Variants in PICALM observed in about 807,000 individuals in gnomAD.
The protein encoded by PICALM is phosphatidylinositol binding clathrin assembly protein.
PICALM carries 40 observed loss-of-function variants against 80.5 expected under a neutral mutation model. That is an observed-to-expected ratio of 0.50 (90% CI 0.39 to 0.65). The LOEUF (loss-of-function observed/expected upper bound fraction) is 0.65, where lower values mean the gene tolerates loss of function less well. Among genes scored for constraint, PICALM ranks in the 30% least tolerant of loss-of-function variants. PICALM has a pLI of 0.00. For synonymous variants in PICALM, 288 were observed against 260.3 expected (o/e 1.11, Z -1.02); for missense variants, 676 against 778.9 (o/e 0.87, Z 1.57).
intron 1 of PICALM, among the ~76,000 whole-genome samples, chr11:86,053,508 A>G (rs1245050427): frequency 1.3e-5 from 2 of 152,202 alleles, no homozygotes; most frequent in East Asian, 1.9e-4. Flanking sequence ...TAATTTGTCT[A>G]AAGTTTTATT....
chr11:85,975,847 T>C (rs898868724), intron 18 of PICALM, among the ~76,000 whole-genome samples: 7 of 152,178 alleles, frequency 4.6e-5, no homozygotes, highest in African/African-American at 1.2e-4. Flanking sequence ...TCCACCCACC[T>C]TGGCCTCCCA....
At chr11:85,976,753 T>C (rs2094295801) in intron 17 of PICALM, 71 bp from the exon 18 acceptor site, 1 of 858,604 alleles carries the variant, frequency 1.2e-6, no homozygotes, top group Non-Finnish European at 2.0e-6. Context: ...AAGGAATTAG[T>C]AGCTGTAGTT....
At chr11:85,973,924 CCACAGA>C (rs2094190807) in intron 19 of PICALM, among the ~76,000 whole-genome samples, 1 of 152,014 alleles carries the variant, frequency 6.6e-6, no homozygotes, top group Non-Finnish European at 1.5e-5. Context: ...ACGAGCAGAG[CCACAGA>C]CACAGAAGGA....
At chr11:86,016,693 A>G (rs1428156144) in intron 4 of PICALM, among the ~76,000 whole-genome samples, 2 of 152,198 alleles carry the variant, frequency 1.3e-5, no homozygotes, top group African/African-American at 4.8e-5. Flanking sequence ...GCAAAACTAT[A>G]AACTCATGAT....
At chr11:85,984,093 A>G (rs891271154) in intron 13 of PICALM, 120 bp from the exon 14 acceptor site, 2 of 581,698 alleles carry the variant, frequency 3.4e-6, no homozygotes, top group Non-Finnish European at 6.2e-6. Context: ...AACAAAGCCA[A>G]TCCTTCAAGC....
chr11:85,968,386 T>C (rs758670125), intron 19 of PICALM, among the ~76,000 whole-genome samples: 5 of 152,214 alleles, frequency 3.3e-5, no homozygotes, highest in African/African-American at 1.2e-4. Context: ...ATTTTTCATA[T>C]TGCTTCTGGG....
At chr11:85,969,005 A>C (rs1043676695) in intron 19 of PICALM, among the ~76,000 whole-genome samples, 3 of 148,426 alleles carry the variant, frequency 2.0e-5, no homozygotes, top group Admixed American at 1.3e-4. Flanking sequence ...CACGGAGAAA[A>C]GGGTATGTGT....
At chr11:85,969,815 G>A (rs758335798) in intron 19 of PICALM, among the ~76,000 whole-genome samples, 2 of 152,040 alleles carry the variant, frequency 1.3e-5, no homozygotes, top group African/African-American at 2.4e-5. Context: ...CACTGTGTTC[G>A]GCCAACAGTT....
Position 85,996,829 on chromosome 11 carries a change from C to A in PICALM, c.1255G>T (p.Gly419Ter). 6.4e-7 allele frequency: 1 copy of A among 1,563,192 alleles called. No individual in the cohort carries two copies. The highest frequency in any genetic ancestry group is 8.8e-7 in the Non-Finnish European group (1 of 1,134,532). ...AATAGAATTCATCAATGCTTACCTC[C>A]CCATGTACTTGCTACCTGAGAAGCA... ...STASQVASTW[G>*]DPFSATVDAV... is the part of the protein sequence containing the mutation. Residue 419 changes from glycine to a stop codon, truncating the protein, a stop_gained, in exon 12 of 20, where the codon GGA becomes TGA. Coordinates refer to ENST00000393346, the MANE Select transcript of PICALM (RefSeq NM_007166.4). LOFTEE classifies it high-confidence loss of function.
intron 19 of PICALM, among the ~76,000 whole-genome samples, chr11:85,973,067 T>C (rs2094160468): frequency 6.6e-6 from 1 of 152,224 alleles, no homozygotes; most frequent in Admixed American, 6.5e-5. Context: ...CACTCCAAGT[T>C]ATTTTCAATT....
chr11:86,040,718 T>A (rs114158942), intron 1 of PICALM, among the ~76,000 whole-genome samples: 1 of 152,168 alleles, frequency 6.6e-6, no homozygotes, highest in African/African-American at 2.4e-5. Flanking sequence ...GGTGTATATA[T>A]GTTTAAGTGT....
intron 19 of PICALM, among the ~76,000 whole-genome samples, chr11:85,963,641 A>G (rs2135338658): frequency 1.3e-5 from 2 of 152,302 alleles, no homozygotes; most frequent in East Asian, 3.9e-4. Flanking sequence ...GTATCTCTTA[A>G]ATTCCTTCTC....
chr11:86,003,404 C>T lies in PICALM; in HGVS notation c.855G>A (p.Leu285=), dbSNP rs968907717. The change falls in exon 9 of 20, where the codon TTG becomes TTA. Residue 285 remains leucine (L), a synonymous_variant. Transcript: ENST00000393346. ...LDALEQHLAS[L]EGKKIKDSTA... is the part of the protein sequence containing the mutation. ...TAGAATCTTTGATTTTCTTTCCTTCCAAGGAAGCTAAATGTTGTTCCAAAG... is the reference window on the plus strand; with the variant it reads ...TAGAATCTTTGATTTTCTTTCCTTCTAAGGAAGCTAAATGTTGTTCCAAAG... 2 of 1,595,374 alleles carry T rather than the reference C, an allele frequency of 1.3e-6. No individual in the cohort carries two copies. The highest frequency in any genetic ancestry group is 1.1e-5 in the South Asian group (1 of 89,140).
chr11:85,975,664 T>G (rs1015949070), intron 18 of PICALM, among the ~76,000 whole-genome samples: 1 of 142,810 alleles, frequency 7.0e-6, no homozygotes, highest in African/African-American at 2.6e-5. Context: ...TGGCATGATC[T>G]CAACTCACTG....
rs2094432757 is a variant in PICALM, at chr11:85,981,189, A to G, written c.1719T>C (p.Thr573=). 1.9e-6 allele frequency: 3 copies of G among 1,607,916 alleles called. No individual in the cohort carries two copies. Among genetic ancestry groups the G allele is most frequent in the Non-Finnish European group, 2.6e-6 (3 of 1,174,452 alleles). Residue 573 remains threonine (T), a synonymous_variant, in exon 17 of 20, where the codon ACT becomes ACC. Transcript: ENST00000393346. ...NWSQPGEKKL[T]GGSNWQPKVA... ...CCTTTGGTTGCCAGTTAGATCCCCCAGTTAACTTCTTTTCACCTGGTTGAC... is the reference window on the plus strand; with the variant it reads ...CCTTTGGTTGCCAGTTAGATCCCCCGGTTAACTTCTTTTCACCTGGTTGAC...
At chr11:86,061,868 C>A (rs1299174640) in intron 1 of PICALM, among the ~76,000 whole-genome samples, 3 of 151,292 alleles carry the variant, frequency 2.0e-5, no homozygotes, top group Non-Finnish European at 4.4e-5. Context: ...AGATGTCCTT[C>A]AGTAAGTAAA....
Position 85,976,676 on chromosome 11 carries a change from G to A in PICALM, c.1786C>T (p.Pro596Ser). ...GTAGTAGCAGGATAGGCCATTACAG[G>A]GGGTGCCTAACATAGTGAAAGGAAA... ...TAWNAATMAP[P>S]VMAYPATTPT... is the part of the protein sequence containing the mutation. The change falls in exon 18 of 20, where the codon CCT becomes TCT. Residue 596 changes from proline (P) to serine (S), a missense_variant. Physicochemically the swap from Pro to Ser is moderately conservative, Grantham distance 74 (BLOSUM62 -1). This residue lies in a region of PICALM where 391 missense variants were observed against 383.6 expected (regional missense o/e 1.02). Coordinates refer to ENST00000393346, the MANE Select transcript of PICALM (RefSeq NM_007166.4). The A allele has an allele frequency of 6.3e-7, 1 of 1,589,728 alleles. No homozygotes were observed. The highest frequency in any genetic ancestry group is 1.7e-5 in the Admixed American group (1 of 59,932).
At chr11:86,040,119 A>G (rs2095931561) in intron 1 of PICALM, among the ~76,000 whole-genome samples, 1 of 152,080 alleles carries the variant, frequency 6.6e-6, no homozygotes, top group Non-Finnish European at 1.5e-5. Flanking sequence ...TTAGTGTTAT[A>G]AGAATGGATG....
At chr11:86,064,003 CAA>C (rs372074023) in intron 1 of PICALM, among the ~76,000 whole-genome samples, 1 of 152,248 alleles carries the variant, frequency 6.6e-6, no homozygotes, top group East Asian at 1.9e-4. Context: ...TCCTTCTTGA[CAA>C]TACGCAAACT....
Sources: allele counts gnomAD v4.1 joint callset (sites outside exome capture counted in the v4.1 genomes callset), GRCh38; gene constraint gnomAD v4.1.1; regional missense constraint gnomAD v4.1.1; transcripts MANE v1.5; gene names NCBI Gene and HGNC (gene_info 2026-07-23, HGNC 2026-07-21).